The following ARHGAP11A variants were observed in gnomAD, a reference collection of about 807,000 sequenced individuals.
The protein encoded by ARHGAP11A is Rho GTPase activating protein 11A, also known as rho GTPase-activating protein 11A.
In ARHGAP11A, 36 loss-of-function variants were observed where a neutral mutation model predicts 60.5. The observed-to-expected ratio is 0.59, with a 90% CI of 0.46 to 0.79. ARHGAP11A has a LOEUF of 0.79. Among genes scored for constraint, ARHGAP11A ranks in the 30% least tolerant of loss-of-function variants. ARHGAP11A has a pLI of 0.00. For missense variants in ARHGAP11A, 1,071 were observed against 1,199.2 expected, an observed-to-expected ratio of 0.89 and a Z score of 1.58; for synonymous variants, 362 against 415.5, an observed-to-expected ratio of 0.87 and a Z score of 1.57.
chr15:32,637,088 C>T lies in ARHGAP11A; in HGVS notation c.2315C>T (p.Thr772Ile), dbSNP rs1209340430. 39 of 1,613,856 alleles carry T rather than the reference C, an allele frequency of 2.4e-5. No individual in the cohort carries two copies. The highest frequency in any genetic ancestry group is 3.3e-5 in the South Asian group (3 of 91,086). Residue 772 changes from threonine to isoleucine, a missense_variant, in exon 12 of 12, where the codon ACA becomes ATA. By Grantham distance (89) the Thr-to-Ile change is moderately conservative. Transcript: ENST00000361627. ...TCACAGCAGAGTACATGTGTTGTAA[C>T]AAACTTGTCAAAACCTAGGCCTATG... ...SFSQQSTCVV[T>I]NLSKPRPMRI...
intron 6 of ARHGAP11A, among the ~76,000 whole-genome samples, chr15:32,626,978 C>G (rs2053473146): frequency 2.0e-5 from 3 of 152,160 alleles, no homozygotes; most frequent in Non-Finnish European, 4.4e-5. Context: ...AGGACTTAAA[C>G]ATAGGTTTTT....
Position 32,636,900 on chromosome 15 carries a change from A to C in ARHGAP11A, c.2127A>C (p.Lys709Asn). ...AAGACATTCATTCAAATATGCCAAAAGATTATTTAAGCAAGCAAGAATTCT... is the reference window on the plus strand; with the variant it reads ...AAGACATTCATTCAAATATGCCAAACGATTATTTAAGCAAGCAAGAATTCT... The part of the protein sequence containing the change: ...HEKDIHSNMP[K>N]DYLSKQEFSS... Residue 709 changes from lysine (K) to asparagine (N), a missense_variant, in exon 12 of 12, where the codon AAA (lysine) becomes AAC (asparagine). Around this residue, in one of 4 missense-constraint regions of ARHGAP11A, gnomAD observed 776 missense variants for 760.2 expected, o/e 1.02. Transcript: ENST00000361627. The C allele has an allele frequency of 6.2e-7, 1 of 1,613,516 alleles. No homozygotes were observed. The highest frequency in any genetic ancestry group is 8.5e-7 in the Non-Finnish European group (1 of 1,179,874).
At position 32,639,589 on chromosome 15, in the gene ARHGAP11A, G is replaced by T. The variant is rs1021806156; in HGVS notation, c.*1744G>T. 2.6e-4 allele frequency: 39 copies of T among 152,274 alleles called. 1 individual carries two copies. The highest frequency in any genetic ancestry group is 1.8e-3 in the Admixed American group (28 of 15,288). 9.4% of individuals were successfully genotyped at this position (152,274 alleles called of 1,614,324 possible). A position where few individuals can be genotyped will look rare whatever the true frequency, so the allele number is the denominator to read the frequency against. On this transcript the variant is annotated 3_prime_UTR_variant, in exon 12 of 12. Transcript: ENST00000361627. ...ACTAATTCAGTAAGAAGTCCTAGGG[G>T]TTTAACTGTACATACTACCTGAACT...
rs1435460619 is a variant in ARHGAP11A, at chr15:32,637,248, A to G, written c.2475A>G (p.Ile825Met). 6.2e-7 allele frequency: 1 copy of G among 1,614,148 alleles called. No homozygotes were observed. The highest frequency in any genetic ancestry group is 8.5e-7 in the Non-Finnish European group (1 of 1,180,056). ...NKLSLNEPNR[I>M]KVKSPLKFQR... ...TTTCTTTAAATGAACCAAATAGAAT[A>G]AAAGTCAAGTCACCTCTTAAGTTTC... Residue 825 changes from isoleucine to methionine, a missense_variant, in exon 12 of 12, where the codon ATA (isoleucine) becomes ATG (methionine). This residue lies in a region of ARHGAP11A where 776 missense variants were observed against 760.2 expected (regional missense o/e 1.02). Coordinates refer to ENST00000361627, the MANE Select transcript of ARHGAP11A (RefSeq NM_014783.6).
At position 32,636,976 on chromosome 15, in the gene ARHGAP11A, A is replaced by C. The variant is rs375838141; in HGVS notation, c.2203A>C (p.Asn735His). The change falls in exon 12 of 12, where the codon AAT (asparagine) becomes CAT (histidine). Residue 735 changes from asparagine to histidine, a missense_variant. Physicochemically the swap from Asn to His is moderately conservative, Grantham distance 68. Transcript: ENST00000361627. ...KQQSPKDKLNNKLKENENMME... is the reference protein window; with the variant it reads ...KQQSPKDKLNHKLKENENMME... ...GCAGTCCCCAAAGGATAAACTAAAT[A>C]ATAAATTAAAAGAGAATGAGAATAT... is the stretch of plus-strand genomic sequence containing the variant. 1 of 1,609,732 alleles carries C rather than the reference A, an allele frequency of 6.2e-7. No individual in the cohort carries two copies. Among genetic ancestry groups the C allele is most frequent in the Non-Finnish European group, 8.5e-7 (1 of 1,178,894 alleles).
At chr15:32,621,129 A>ATTGTATT (rs200353755) in intron 2 of ARHGAP11A, among the ~76,000 whole-genome samples, 1 of 90,846 alleles carries the variant, frequency 1.1e-5, no homozygotes, top group Admixed American at 1.3e-4. Context: ...TGTTTGTGAA[A>ATTGTATT]ATGTATCACT....
At chr15:32,616,568 G>C (rs1595755376) in intron 1 of ARHGAP11A, among the ~76,000 whole-genome samples, 1 of 152,118 alleles carries the variant, frequency 6.6e-6, no homozygotes. Context: ...TCCAACTTCA[G>C]CACTATTGAC....
In ARHGAP11A at chr15:32,623,068, A is replaced by C. The variant is rs575586262; in HGVS notation, c.201-424A>C. ...TGGTGATAGATCGAGCAATACGAGGACAACACACTGACCATGGATTTGGCA... is the reference window on the plus strand; with the variant it reads ...TGGTGATAGATCGAGCAATACGAGGCCAACACACTGACCATGGATTTGGCA... On this transcript the variant is annotated intron_variant, in intron 2 of 11. Coordinates refer to ENST00000361627, the MANE Select transcript of ARHGAP11A (RefSeq NM_014783.6). Among the ~76,000 whole-genome samples the C allele has an allele frequency of 8.9e-3, 1,349 of 151,180 alleles. 25 individuals carry two copies. Among genetic ancestry groups the C allele is most frequent in the African/African-American group, 0.031 (1,274 of 41,066 alleles).
Position 32,635,787 on chromosome 15 carries a change from C to G in ARHGAP11A, c.1355C>G (p.Ser452Cys), listed in dbSNP as rs146176251. 1,148 of 1,597,054 alleles carry G rather than the reference C, an allele frequency of 7.2e-4. 5 individuals are homozygous for G. In the African/African-American group the frequency reaches 0.013, roughly 18 times the overall value. Residue 452 changes from serine to cysteine, a missense_variant, in exon 11 of 12, where the codon TCT becomes TGT. Ser to Cys is a moderately radical substitution (Grantham distance 112). Coordinates refer to ENST00000361627, the MANE Select transcript of ARHGAP11A (RefSeq NM_014783.6). ...GKNGREVNGC[S>C]GVNRYESVGW... ...TTTTTTTCTGTACAGAATGGATGTTCTGGTGTCAATAGATATGAAAGTGTT... is the reference window on the plus strand; with the variant it reads ...TTTTTTTCTGTACAGAATGGATGTTGTGGTGTCAATAGATATGAAAGTGTT...
intron 8 of ARHGAP11A, among the ~76,000 whole-genome samples, chr15:32,630,780 A>G (rs1034141964): frequency 2.6e-5 from 4 of 152,172 alleles, no homozygotes; most frequent in African/African-American, 4.8e-5. Flanking sequence ...TTGAAATGTG[A>G]TGATAGTAAC....
At chr15:32,634,253 C>T (rs2053654219) in intron 10 of ARHGAP11A, among the ~76,000 whole-genome samples, 1 of 152,046 alleles carries the variant, frequency 6.6e-6, no homozygotes. Flanking sequence ...TCCACTCACT[C>T]AAGGTGATCA....
intron 6 of ARHGAP11A, among the ~76,000 whole-genome samples, chr15:32,628,139 C>T (rs982876373): frequency 6.6e-6 from 1 of 152,224 alleles, no homozygotes; most frequent in Non-Finnish European, 1.5e-5. Context: ...TATAACTCTA[C>T]TCAAGTATCT....
rs1372772822 is a variant in ARHGAP11A at position 32,633,087 on chromosome 15, T to C, written c.1214T>C (p.Ile405Thr). Residue 405 changes from isoleucine (I) to threonine (T), a missense_variant, in exon 9 of 12, where the codon ATT (isoleucine) becomes ACT (threonine). Coordinates refer to ENST00000361627, the MANE Select transcript of ARHGAP11A (RefSeq NM_014783.6). ...GGTGTGCCAAGGCGAAGTAAAAGAA[T>C]TGCAGGCAAAAAAGTTTGCAGGTAC... ...TAGVPRRSKR[I>T]AGKKVCRVES... The C allele has an allele frequency of 1.2e-6, 2 of 1,613,972 alleles. No individual in the cohort carries two copies. The highest frequency in any genetic ancestry group is 2.2e-5 in the East Asian group (1 of 44,856).
intron 10 of ARHGAP11A, among the ~76,000 whole-genome samples, chr15:32,635,115 A>C (rs142637615): frequency 3.0e-3 from 458 of 152,256 alleles, no homozygotes; most frequent in Non-Finnish European, 5.2e-3. Context: ...GCCTCACGTG[A>C]TCTGTTCTCA....
In ARHGAP11A at chr15:32,616,182, C is replaced by G. The variant is rs2053135739; in HGVS notation, c.-30C>G. The G allele has an allele frequency of 1.2e-6, 2 of 1,610,924 alleles. No homozygotes were observed. Among genetic ancestry groups the G allele is most frequent in the Non-Finnish European group, 8.5e-7 (1 of 1,178,452 alleles). On this transcript the variant is annotated 5_prime_UTR_variant, in exon 1 of 12. Transcript: ENST00000361627. ...GCGAACGAGGGTCAGGACCTGCATC[C>G]TGCCTCAGAGAGTTATCGACGTATC...
In ARHGAP11A at chr15:32,636,534, T is replaced by C; in HGVS notation, c.1761T>C (p.Asp587=). ...TAACAAGTAGCCCTCTTAGCGGGGA[T>C]GAAAATAACATGACCAAAGAGACTT... The part of the protein sequence containing the change: ...SNITSSPLSG[D]ENNMTKETLV... The change falls in exon 12 of 12, where the codon GAT becomes GAC. Residue 587 remains aspartate, a synonymous_variant. Transcript: ENST00000361627. The C allele has an allele frequency of 6.2e-7, 1 of 1,614,080 alleles. No individual in the cohort carries two copies. Among genetic ancestry groups the C allele is most frequent in the Non-Finnish European group, 8.5e-7 (1 of 1,179,974 alleles).
At chr15:32,621,062 C>T (rs949788996) in intron 2 of ARHGAP11A, among the ~76,000 whole-genome samples, 7 of 149,106 alleles carry the variant, frequency 4.7e-5, no homozygotes, top group African/African-American at 1.7e-4. Flanking sequence ...CAGAGTGAGA[C>T]CATGTCTCTT....
At chr15:32,621,829 A>G (rs1469715006) in intron 2 of ARHGAP11A, among the ~76,000 whole-genome samples, 2 of 152,010 alleles carry the variant, frequency 1.3e-5, no homozygotes, top group Non-Finnish European at 2.9e-5. Context: ...CTCAAAAAAA[A>G]AAAAAAAAAA....
chr15:32,616,507 G>GT (rs1055388244), intron 1 of ARHGAP11A, among the ~76,000 whole-genome samples, 167 bp downstream of exon 1: 3 of 152,004 alleles, frequency 2.0e-5, no homozygotes, highest in Admixed American at 6.5e-5. Flanking sequence ...TGACATTCTT[G>GT]TTTTTTTTCC....
Sources: allele counts gnomAD v4.1 joint callset (sites outside exome capture counted in the v4.1 genomes callset), GRCh38; gene constraint gnomAD v4.1.1; regional missense constraint gnomAD v4.1.1; transcripts MANE v1.5; gene names NCBI Gene and HGNC (gene_info 2026-07-23, HGNC 2026-07-21).